MAP2K4: variants seen among roughly 807,000 people sequenced by gnomAD.
MAP2K4 encodes mitogen-activated protein kinase kinase 4.
MAP2K4 carries 4 observed loss-of-function variants against 48.5 expected under a neutral mutation model. The observed-to-expected ratio is 0.08, with a 90% CI of 0.04 to 0.19. The LOEUF is 0.19. MAP2K4 is among the 10% of genes least tolerant of loss of function. MAP2K4 has a pLI of 1.00. For missense variants in MAP2K4, 258 were observed against 493.3 expected, an observed-to-expected ratio of 0.52 and a Z score of 4.52; for synonymous variants, 166 against 173.1, an observed-to-expected ratio of 0.96 and a Z score of 0.32.
At chr17:12,109,248 CAG>C (rs529272862) in intron 5 of MAP2K4, among the ~76,000 whole-genome samples, 22 of 152,150 alleles carry the variant, frequency 1.4e-4, no homozygotes, top group African/African-American at 5.3e-4. Flanking sequence ...AATTAGAAAA[CAG>C]AAAATTATTT....
chr17:12,095,710 G>T lies in MAP2K4; in HGVS notation c.513+16G>T, dbSNP rs753099588. 6.2e-7 allele frequency: 1 copy of T among 1,610,202 alleles called. No individual in the cohort carries two copies. Among genetic ancestry groups the T allele is most frequent in the Admixed American group, 1.7e-5 (1 of 58,954 alleles). On this transcript the variant is annotated intron_variant, in intron 4 of 10. Coordinates refer to ENST00000353533, the MANE Select transcript of MAP2K4 (RefSeq NM_003010.4). The stretch of plus-strand genomic sequence containing the variant: ...CTTCAGAGAGGTAGGAATAAACTGG[G>T]TTTTAGCTGACTAATGAATATCTAA...
At chr17:12,083,837 A>G (rs1278972955) in intron 3 of MAP2K4, among the ~76,000 whole-genome samples, 1 of 152,208 alleles carries the variant, frequency 6.6e-6, no homozygotes, top group African/African-American at 2.4e-5. Flanking sequence ...TGTATGATTA[A>G]GGAGGTGTTT....
chr17:12,097,779 C>T (rs548058046), intron 4 of MAP2K4, among the ~76,000 whole-genome samples: 1 of 152,246 alleles, frequency 6.6e-6, no homozygotes, highest in Non-Finnish European at 1.5e-5. Context: ...AGATGGGATT[C>T]CAGAGACAGA....
chr17:12,030,965 G>A (rs990360987), intron 1 of MAP2K4, among the ~76,000 whole-genome samples: 7 of 152,156 alleles, frequency 4.6e-5, no homozygotes, highest in Admixed American at 1.3e-4. Flanking sequence ...CTCATTTTGC[G>A]TGGTAGGAGG....
rs2151600576 is a variant in MAP2K4, at chr17:12,142,596, G to C, written c.*1336G>C. The C allele has an allele frequency of 4.3e-6, 1 of 233,112 alleles. No individual in the cohort carries two copies. The highest frequency in any genetic ancestry group is 8.5e-6 in the Non-Finnish European group (1 of 117,946). 14.4% of individuals were successfully genotyped at this position (233,112 alleles called of 1,614,324 possible). ...TTTCTAGAGACACATTGGACCAGAT[G>C]AGGATCCGAAACGGCAGCCTTTACG... On this transcript the variant is annotated 3_prime_UTR_variant, in exon 11 of 11. Coordinates refer to ENST00000353533, the MANE Select transcript of MAP2K4 (RefSeq NM_003010.4).
chr17:12,118,059 C>G (rs763331937), intron 7 of MAP2K4, among the ~76,000 whole-genome samples: 9 of 152,100 alleles, frequency 5.9e-5, no homozygotes, highest in Non-Finnish European at 1.2e-4. Context: ...TGTGAAGATT[C>G]AACAGACTGG....
intron 3 of MAP2K4, among the ~76,000 whole-genome samples, chr17:12,089,707 G>A (rs1971500867): frequency 6.6e-6 from 1 of 152,112 alleles, no homozygotes. Context: ...ACTCAGCTGA[G>A]CCATACAAAC....
intron 4 of MAP2K4, among the ~76,000 whole-genome samples, chr17:12,102,006 C>A (rs1971953811): frequency 3.9e-5 from 6 of 151,926 alleles, no homozygotes; most frequent in Admixed American, 3.9e-4. Flanking sequence ...TTTTGTCTTG[C>A]CTTATTGCAC....
rs574474381 is a variant in MAP2K4, at chr17:12,092,801, C to T, written c.394-2774C>T. Among the ~76,000 whole-genome samples the T allele has an allele frequency of 9.9e-5, 15 of 152,164 alleles. No homozygotes were observed. In the East Asian group the frequency reaches 1.2e-3, roughly 12 times the overall value. ...CAGCACTTTGGGAGGCCGAGGCAGG[C>T]GGATCACGAGGTCAGGAGATCGAGA... On this transcript the variant is annotated intron_variant, in intron 3 of 10. Coordinates refer to ENST00000353533, the MANE Select transcript of MAP2K4 (RefSeq NM_003010.4).
chr17:12,033,795 G>GA (rs1203914718), intron 1 of MAP2K4, among the ~76,000 whole-genome samples: 3 of 150,458 alleles, frequency 2.0e-5, no homozygotes, highest in South Asian at 2.1e-4. Flanking sequence ...TCTAATTAAT[G>GA]AAAAAAAAAG....
intron 1 of MAP2K4, among the ~76,000 whole-genome samples, chr17:12,043,156 G>T (rs1304381925): frequency 2.0e-5 from 3 of 152,024 alleles, no homozygotes; most frequent in African/African-American, 7.2e-5. Flanking sequence ...ATCAACTATT[G>T]ATATATGATG....
intron 2 of MAP2K4, among the ~76,000 whole-genome samples, chr17:12,070,574 G>A (rs1312530513): frequency 6.6e-6 from 1 of 152,162 alleles, no homozygotes; most frequent in African/African-American, 2.4e-5. Flanking sequence ...AGAGAAAAAG[G>A]ATATAGAAAA....
At chr17:12,089,017 T>C (rs932606696) in intron 3 of MAP2K4, among the ~76,000 whole-genome samples, 1 of 151,356 alleles carries the variant, frequency 6.6e-6, no homozygotes, top group Non-Finnish European at 1.5e-5. Flanking sequence ...GTTCACGCCA[T>C]TCTCCTACCT....
At chr17:12,077,150 C>T (rs147073780) in intron 2 of MAP2K4, among the ~76,000 whole-genome samples, 8 of 152,156 alleles carry the variant, frequency 5.3e-5, no homozygotes, top group Non-Finnish European at 8.8e-5. Flanking sequence ...ATAGAAATGA[C>T]CCCTGAAAGT....
intron 3 of MAP2K4, among the ~76,000 whole-genome samples, chr17:12,092,948 C>T (rs1212744995): frequency 6.6e-6 from 1 of 152,176 alleles, no homozygotes. Context: ...ATGGCATCAA[C>T]CCGGGAGGAG....
chr17:12,095,637 A>G lies in MAP2K4; in HGVS notation c.456A>G (p.Val152=). 6.2e-7 allele frequency: 1 copy of G among 1,613,980 alleles called. No individual in the cohort carries two copies. Among genetic ancestry groups the G allele is most frequent in the Non-Finnish European group, 8.5e-7 (1 of 1,179,940 alleles). The change falls in exon 4 of 11, where the codon GTA becomes GTG. Residue 152 remains valine (V), a synonymous_variant. Coordinates refer to ENST00000353533, the MANE Select transcript of MAP2K4 (RefSeq NM_003010.4). Reference sequence around the variant, plus strand: ...AACTTCTTATGGATTTGGATGTAGTAATGCGGAGTAGTGATTGCCCATACA... The same window carrying G: ...AACTTCTTATGGATTTGGATGTAGTGATGCGGAGTAGTGATTGCCCATACA... ...QKQLLMDLDV[V]MRSSDCPYIV... is the part of the protein sequence containing the mutation.
chr17:12,088,543 T>TATATATA (rs1166221794), intron 3 of MAP2K4, among the ~76,000 whole-genome samples: 93 of 22,466 alleles, frequency 4.1e-3, no homozygotes, highest in Admixed American at 8.3e-3. Context: ...TATATTAAAT[T>TATATATA]ATATCTAATA....
chr17:12,111,316 C>T (rs533358601), intron 6 of MAP2K4, among the ~76,000 whole-genome samples: 1 of 152,298 alleles, frequency 6.6e-6, no homozygotes, highest in East Asian at 1.9e-4. Context: ...CACTAGGCCA[C>T]TGAAATTAGT....
chr17:12,032,551 AG>A (rs1225906891), intron 1 of MAP2K4, among the ~76,000 whole-genome samples: 6 of 152,204 alleles, frequency 3.9e-5, no homozygotes, highest in African/African-American at 1.4e-4. Flanking sequence ...ATACGTATTT[AG>A]GTATAGAAAA....
Sources: gnomAD v4.1 joint callset for allele counts (sites outside exome capture counted in the v4.1 genomes callset) on GRCh38, gnomAD v4.1.1 for gene constraint, MANE v1.5 for transcripts, NCBI Gene and HGNC (gene_info 2026-07-23, HGNC 2026-07-21) for gene names.